Variants in ANXA10 observed in about 807,000 individuals in gnomAD.
ANXA10 encodes annexin A10, also known as annexin 14.
Under a neutral mutation model 53.5 loss-of-function variants are expected in ANXA10, and 49 were observed. That is an observed-to-expected ratio of 0.92 (90% confidence interval 0.73 to 1.16). The LOEUF is 1.16. ANXA10 is among the 50% of genes most tolerant of loss of function. The probability of loss-of-function intolerance (pLI) is 0.00; values close to 1 mark genes in which losing one functional copy is unlikely to be tolerated. For synonymous variants in ANXA10, 131 were observed against 128.9 expected, an observed-to-expected ratio of 1.02 and a Z score of -0.11; for missense variants, 393 against 394.4, an observed-to-expected ratio of 1.00 and a Z score of 0.03.
chr4:168,167,245 C>T (rs1014734105), intron 6 of ANXA10, among the ~76,000 whole-genome samples: 3 of 152,114 alleles, frequency 2.0e-5, no homozygotes, highest in Non-Finnish European at 4.4e-5. Context: ...TATGGTCTGA[C>T]TTATCTACTT....
chr4:168,187,076 A>G (rs189963479), intron 11 of ANXA10, among the ~76,000 whole-genome samples: 8 of 152,208 alleles, frequency 5.3e-5, no homozygotes, highest in Admixed American at 3.9e-4. Flanking sequence ...ACATCTTCCT[A>G]AAGTTGAGGA....
chr4:168,156,366 GTATA>G (rs1298945727), intron 3 of ANXA10, among the ~76,000 whole-genome samples: 1 of 19,890 alleles, frequency 5.0e-5, no homozygotes, highest in African/African-American at 1.8e-4. Flanking sequence ...ATATTATATA[GTATA>G]TATAATATAA....
chr4:168,101,303 T>C (rs1393111197), intron 1 of ANXA10, among the ~76,000 whole-genome samples: 1 of 151,988 alleles, frequency 6.6e-6, no homozygotes, highest in Non-Finnish European at 1.5e-5. Context: ...GCCAGGATCA[T>C]GCTTCCTGTT....
In ANXA10 at chr4:168,162,773, T is replaced by A. The variant is rs1647600255; in HGVS notation, c.309+132T>A. ...GGGAGGGAATATCTAAACAATGATG[T>A]AACAATGGAAATGTTGTGGTCAAGG... On this transcript the variant is annotated intron_variant, in intron 4 of 11. Transcript: ENST00000359299. 3.3e-5 allele frequency: 24 copies of A among 726,612 alleles called. 1 individual carries two copies. Among genetic ancestry groups the A allele is most frequent in the Non-Finnish European group, 4.0e-5 (17 of 424,866 alleles). 45.0% of individuals were successfully genotyped at this position (726,612 alleles called of 1,614,324 possible).
At chr4:168,139,000 CTT>C (rs1452148506) in intron 2 of ANXA10, among the ~76,000 whole-genome samples, 1 of 152,084 alleles carries the variant, frequency 6.6e-6, no homozygotes, top group African/African-American at 2.4e-5. Context: ...TTAGAGGAGT[CTT>C]TATAGTTTTC....
At chr4:168,171,433 C>CGGGA (rs1420308183) in intron 6 of ANXA10, among the ~76,000 whole-genome samples, 1 of 152,102 alleles carries the variant, frequency 6.6e-6, no homozygotes, top group Non-Finnish European at 1.5e-5. Context: ...GGTCCTCTAC[C>CGGGA]TCCCTATGCA....
intron 6 of ANXA10, among the ~76,000 whole-genome samples, chr4:168,169,347 C>A (rs1290362857): frequency 6.6e-6 from 1 of 152,046 alleles, no homozygotes; most frequent in Non-Finnish European, 1.5e-5. Flanking sequence ...CAGGTATTGC[C>A]CCTAACAGAG....
intron 1 of ANXA10, among the ~76,000 whole-genome samples, chr4:168,117,721 T>C (rs1730916290): frequency 1.3e-5 from 2 of 152,160 alleles, no homozygotes; most frequent in African/African-American, 4.8e-5. Flanking sequence ...AATATTAAAA[T>C]TGAAATAAAT....
At chr4:168,129,418 T>A (rs1731124210) in intron 2 of ANXA10, among the ~76,000 whole-genome samples, 1 of 152,108 alleles carries the variant, frequency 6.6e-6, no homozygotes, top group Non-Finnish European at 1.5e-5. Flanking sequence ...CACCAAAAAG[T>A]TTTTCTTTGC....
intron 2 of ANXA10, among the ~76,000 whole-genome samples, chr4:168,135,280 C>A (rs1731219176): frequency 6.6e-6 from 1 of 152,194 alleles, no homozygotes; most frequent in South Asian, 2.1e-4. Flanking sequence ...CCTGTCCTCA[C>A]ACAGACACTG....
intron 3 of ANXA10, among the ~76,000 whole-genome samples, chr4:168,152,708 A>G (rs922069902): frequency 2.0e-5 from 3 of 150,632 alleles, no homozygotes; most frequent in African/African-American, 7.3e-5. Context: ...ATAAATAAGT[A>G]AATTACATAT....
At chr4:168,181,637 T>C in intron 9 of ANXA10, 46 bp from the exon 10 acceptor site, 3 of 1,435,664 alleles carry the variant, frequency 2.1e-6, no homozygotes, top group Non-Finnish European at 2.9e-6. Flanking sequence ...CGAAAATATA[T>C]GTTTTCACTC....
At chr4:168,159,935 G>C (rs1731751556) in intron 3 of ANXA10, among the ~76,000 whole-genome samples, 1 of 152,056 alleles carries the variant, frequency 6.6e-6, no homozygotes, top group African/African-American at 2.4e-5. Flanking sequence ...CCAAAGTATT[G>C]CATGTTTTTA....
At chr4:168,098,229 C>T (rs2149463658) in intron 1 of ANXA10, among the ~76,000 whole-genome samples, 1 of 151,968 alleles carries the variant, frequency 6.6e-6, no homozygotes, top group South Asian at 2.1e-4. Flanking sequence ...TCACAAATGG[C>T]AAGCACTAAG....
chr4:168,178,070 T>G (rs1310840509), intron 8 of ANXA10, 87 bp downstream of exon 8: 3 of 1,248,502 alleles, frequency 2.4e-6, no homozygotes, highest in Non-Finnish European at 3.4e-6. Flanking sequence ...AATGAAATAT[T>G]ACAAGGAAAT....
intron 3 of ANXA10, among the ~76,000 whole-genome samples, chr4:168,143,047 T>A (rs1258050691): frequency 6.6e-6 from 1 of 152,204 alleles, no homozygotes; most frequent in Non-Finnish European, 1.5e-5. Context: ...TACTTTTTTT[T>A]AAAGAAAAGG....
chr4:168,177,796 A>G lies in ANXA10; in HGVS notation c.534+3A>G, dbSNP rs370423026. ...CGATGGCTGCTCAGGATGCAATGGT[A>G]ACTAGAACCAGTTCTCAGACTGACT... is the stretch of plus-strand genomic sequence containing the variant. On this transcript the variant is annotated splice_donor_region_variant and intron_variant, in intron 7 of 11. Coordinates refer to ENST00000359299, the MANE Select transcript of ANXA10 (RefSeq NM_007193.5). 1.8e-5 allele frequency: 29 copies of G among 1,614,180 alleles called. No individual in the cohort carries two copies. The African/African-American group carries it at 3.6e-4, about 20-fold the overall frequency.
At chr4:168,183,076 T>C (rs191147816) in intron 10 of ANXA10, among the ~76,000 whole-genome samples, 1 of 148,714 alleles carries the variant, frequency 6.7e-6, no homozygotes, top group Non-Finnish European at 1.5e-5. Context: ...ATTATATACA[T>C]GTCGTAGCCT....
At chr4:168,153,431 AAAAAAAAAAACAAAAACAAAAAC>A (rs1731533662) in intron 3 of ANXA10, among the ~76,000 whole-genome samples, 1 of 59,574 alleles carries the variant, frequency 1.7e-5, no homozygotes, top group Non-Finnish European at 4.0e-5. Context: ...GCAAAAAAAA[AAAAAAAAAAACAAAAACAAAAAC>A]AAAACAAAAA....
Sources: gnomAD v4.1 joint callset for allele counts (sites outside exome capture counted in the v4.1 genomes callset) on GRCh38, gnomAD v4.1.1 for gene constraint, MANE v1.5 for transcripts, NCBI Gene and HGNC (gene_info 2026-07-23, HGNC 2026-07-21) for gene names.